UST: variants seen among roughly 807,000 people sequenced by gnomAD.
UST encodes the protein chondroitin sulfate 2-O-sulfotransferase.
In UST, 21 loss-of-function variants were observed where a neutral mutation model predicts 45.6. The observed-to-expected ratio is 0.46, with a 90% CI of 0.33 to 0.66. UST has a LOEUF of 0.66. UST is among the 30% of genes least tolerant of loss of function. UST has a pLI of 0.02. For missense variants in UST, 463 were observed against 512.4 expected (o/e 0.90, Z 0.93); for synonymous variants, 215 against 200.6 (o/e 1.07, Z -0.61).
intron 1 of UST, among the ~76,000 whole-genome samples, chr6:148,854,374 C>T (rs1185896700): frequency 7.9e-5 from 12 of 152,164 alleles, no homozygotes; most frequent in Non-Finnish European, 1.5e-4. Flanking sequence ...TACATACTTC[C>T]GGAAAGGCTA....
chr6:149,070,721 A>G (rs1776807289), intron 7 of UST, among the ~76,000 whole-genome samples: 2 of 150,702 alleles, frequency 1.3e-5, no homozygotes, highest in African/African-American at 4.9e-5. Context: ...TCAAGCATTT[A>G]TCCTTTGCAT....
chr6:148,997,663 T>C (rs2486398), intron 5 of UST, among the ~76,000 whole-genome samples: 142,326 of 152,254 alleles, frequency 0.93, 66,959 homozygotes, highest in African/African-American at 0.98. Flanking sequence ...ACTATACTAA[T>C]AGTCATTTAT....
intron 5 of UST, among the ~76,000 whole-genome samples, chr6:149,003,445 A>C (rs1021351638): frequency 4.5e-4 from 32 of 71,808 alleles, no homozygotes; most frequent in African/African-American, 1.9e-3. Flanking sequence ...AAAACAAAAC[A>C]AAAAAAAAAA....
intron 5 of UST, among the ~76,000 whole-genome samples, chr6:149,010,528 C>G (rs1775788438): frequency 6.6e-6 from 1 of 151,978 alleles, no homozygotes; most frequent in South Asian, 2.1e-4. Context: ...AAGAGCCTAC[C>G]AAAAATCTAA....
intron 1 of UST, among the ~76,000 whole-genome samples, chr6:148,810,627 C>T (rs1391397228): frequency 6.6e-6 from 1 of 152,156 alleles, no homozygotes; most frequent in African/African-American, 2.4e-5. Flanking sequence ...AAAATAAGTA[C>T]CAGGGTAGTT....
intron 1 of UST, among the ~76,000 whole-genome samples, chr6:148,824,458 G>C (rs915133767): frequency 2.0e-5 from 3 of 152,152 alleles, no homozygotes; most frequent in Non-Finnish European, 4.4e-5. Flanking sequence ...AGACTGTGCA[G>C]TATAAGAAAC....
At position 148,943,421 on chromosome 6, in the gene UST, A is replaced by T. The variant is rs566055408; in HGVS notation, c.447+1987A>T. Among the ~76,000 whole-genome samples the T allele has an allele frequency of 2.3e-4, 35 of 152,348 alleles. No homozygotes were observed. The South Asian group carries it at 3.3e-3, about 14-fold the overall frequency. ...AAATGTGCCTTGGGATTTTATAGAG[A>T]TCAACCTAGTTTGTTTCCTATGAGG... is the stretch of plus-strand genomic sequence containing the variant. On this transcript the variant is annotated intron_variant, in intron 3 of 7. Transcript: ENST00000367463.
At chr6:148,753,356 T>C (rs1776026408) in intron 1 of UST, among the ~76,000 whole-genome samples, 1 of 152,314 alleles carries the variant, frequency 6.6e-6, no homozygotes, top group Admixed American at 6.5e-5. Context: ...TGCCTATTCT[T>C]GGCATTTTAT....
chr6:148,955,241 CT>C (rs1379290940), intron 4 of UST, among the ~76,000 whole-genome samples: 1 of 152,234 alleles, frequency 6.6e-6, no homozygotes, highest in Non-Finnish European at 1.5e-5. Flanking sequence ...GGAGCTGGGT[CT>C]GGAGGAGCTG....
chr6:148,828,270 A>C (rs1225760589), intron 1 of UST, among the ~76,000 whole-genome samples: 2 of 142,448 alleles, frequency 1.4e-5, no homozygotes, highest in Non-Finnish European at 3.2e-5. Context: ...TACAAAGAAC[A>C]CTATAATTGT....
chr6:148,938,582 C>T (rs1475099995), intron 2 of UST, among the ~76,000 whole-genome samples: 1 of 151,982 alleles, frequency 6.6e-6, no homozygotes, highest in Admixed American at 6.6e-5. Context: ...TTCTACTGTG[C>T]TTTATTATTT....
chr6:148,985,286 G>C (rs1490017612), intron 5 of UST, among the ~76,000 whole-genome samples: 1 of 152,162 alleles, frequency 6.6e-6, no homozygotes, highest in African/African-American at 2.4e-5. Context: ...GTAATTATCT[G>C]CTGAAGTTGT....
At chr6:148,922,637 C>CTT (rs112318296) in intron 2 of UST, among the ~76,000 whole-genome samples, 4,595 of 147,408 alleles carry the variant, frequency 0.031, 255 homozygotes, top group African/African-American at 0.11. Flanking sequence ...TACCTAGGTA[C>CTT]TTTTTTTTTG....
At chr6:149,020,730 TTCA>T (rs1775964744) in intron 6 of UST, among the ~76,000 whole-genome samples, 1 of 152,196 alleles carries the variant, frequency 6.6e-6, no homozygotes, top group Non-Finnish European at 1.5e-5. Flanking sequence ...TTAGTGTCAG[TTCA>T]GAGAGCTGGC....
At chr6:148,789,640 C>T (rs1011767356) in intron 1 of UST, among the ~76,000 whole-genome samples, 1 of 152,074 alleles carries the variant, frequency 6.6e-6, no homozygotes, top group African/African-American at 2.4e-5. Context: ...GCTTCTACCT[C>T]ACAGGTTCTA....
intron 2 of UST, among the ~76,000 whole-genome samples, chr6:148,913,976 A>T (rs1779531831): frequency 6.6e-6 from 1 of 152,216 alleles, no homozygotes; most frequent in Non-Finnish European, 1.5e-5. Context: ...CCAGTGTGAT[A>T]GCAGTAGGAG....
intron 3 of UST, among the ~76,000 whole-genome samples, chr6:148,948,754 A>G (rs17728703): frequency 0.11 from 16,441 of 152,084 alleles, 1,030 homozygotes; most frequent in Non-Finnish European, 0.13. Flanking sequence ...TATTCCATAA[A>G]CCTTCTTTGT....
Position 149,021,358 on chromosome 6 carries a change from C to A in UST, c.814C>A (p.Leu272Met), listed in dbSNP as rs764478076. ...TGAATGGGCCCTTGAGAGAGCAAAGCTGAACGTGAATGAAAACTTCCTGCT... is the reference window on the plus strand; with the variant it reads ...TGAATGGGCCCTTGAGAGAGCAAAGATGAACGTGAATGAAAACTTCCTGCT... ...PGEWALERAK[L>M]NVNENFLLVG... Residue 272 changes from leucine (L) to methionine (M), a missense_variant, in exon 7 of 8, where the codon CTG becomes ATG. Leu to Met is a conservative substitution (Grantham distance 15). Transcript: ENST00000367463. The A allele has an allele frequency of 1.1e-5, 18 of 1,613,988 alleles. No individual in the cohort carries two copies. In the Admixed American group the frequency reaches 3.0e-4, roughly 27 times the overall value.
chr6:148,827,638 T>G (rs1168359443), intron 1 of UST, among the ~76,000 whole-genome samples: 1 of 148,830 alleles, frequency 6.7e-6, no homozygotes, highest in Non-Finnish European at 1.5e-5. Context: ...AAAAAAAGCG[T>G]CTAAACTCCC....
Sources: allele counts gnomAD v4.1 joint callset (sites outside exome capture counted in the v4.1 genomes callset), GRCh38; gene constraint gnomAD v4.1.1; transcripts MANE v1.5; gene names NCBI Gene and HGNC (gene_info 2026-07-23, HGNC 2026-07-21).